The following MTO1 variants were observed in gnomAD, a reference collection of about 807,000 sequenced individuals.
MTO1 encodes the protein mitochondrial tRNA translation optimization 1.
MTO1 carries 46 observed loss-of-function variants against 71.6 expected under a neutral mutation model. The ratio of observed to expected loss-of-function variants is 0.64; its 90% confidence interval spans 0.51 to 0.82. MTO1 has a LOEUF of 0.82. MTO1 is among the 40% of genes least tolerant of loss of function. MTO1 has a pLI of 0.00. For synonymous variants in MTO1, 297 were observed against 312.1 expected, an observed-to-expected ratio of 0.95 and a Z score of 0.51; for missense variants, 773 against 867.5, an observed-to-expected ratio of 0.89 and a Z score of 1.37.
Position 73,461,811 on chromosome 6 carries a change from G to A in MTO1, c.-44G>A, listed in dbSNP as rs756129845. The A allele has an allele frequency of 3.8e-6, 6 of 1,583,908 alleles. No homozygotes were observed. In the East Asian group the frequency reaches 1.1e-4, roughly 30 times the overall value. On this transcript the variant is annotated 5_prime_UTR_variant, in exon 1 of 12. Coordinates refer to ENST00000498286, the MANE Select transcript of MTO1 (RefSeq NM_012123.4). ...TCTTGTTGCGTAAGTTTTTTTGACC[G>A]TCACTCGTGTCAGCTTCAAAGTCAG... is the stretch of plus-strand genomic sequence containing the variant.
intron 4 of MTO1, among the ~76,000 whole-genome samples, chr6:73,474,222 A>G (rs1771242869): frequency 6.6e-6 from 1 of 151,528 alleles, no homozygotes; most frequent in South Asian, 2.1e-4. Flanking sequence ...CCTCCCGAGT[A>G]TACAGGCACG....
intron 7 of MTO1, 111 bp from the exon 8 acceptor site, chr6:73,481,929 C>T: frequency 9.0e-7 from 1 of 1,108,964 alleles, no homozygotes; most frequent in Non-Finnish European, 1.4e-6. Context: ...CCCTTAGGGG[C>T]AATACTTGCT....
intron 10 of MTO1, among the ~76,000 whole-genome samples, chr6:73,494,860 A>G (rs967358350): frequency 6.7e-6 from 1 of 149,876 alleles, no homozygotes; most frequent in African/African-American, 2.5e-5. Context: ...ATTCACTGCA[A>G]CCTCGGCCTC....
chr6:73,483,628 T>A (rs1322022616), intron 9 of MTO1, among the ~76,000 whole-genome samples: 1 of 151,862 alleles, frequency 6.6e-6, no homozygotes, highest in Non-Finnish European at 1.5e-5. Flanking sequence ...TTGTTTTTAA[T>A]TTTTTTGAGA....
intron 3 of MTO1, among the ~76,000 whole-genome samples, chr6:73,472,723 C>G (rs964447988): frequency 6.6e-6 from 1 of 151,940 alleles, no homozygotes; most frequent in Admixed American, 6.6e-5. Context: ...TCTCACCACA[C>G]AAAACGTGTA....
chr6:73,463,068 G>A lies in MTO1; in HGVS notation c.217+997G>A, dbSNP rs537624415. On this transcript the variant is annotated intron_variant, in intron 1 of 11. Transcript: ENST00000498286. The stretch of plus-strand genomic sequence containing the variant: ...AGACAGAGTCTTGCACTGTCACACA[G>A]GCTCAAGTGCAGTGGCGCCATCTCG... Among the ~76,000 whole-genome samples the A allele has an allele frequency of 8.7e-5, 13 of 149,730 alleles. No homozygotes were observed. In the South Asian group the frequency reaches 2.5e-3, roughly 29 times the overall value.
At chr6:73,477,661 C>T (rs1370610041) in intron 4 of MTO1, among the ~76,000 whole-genome samples, 2 of 151,520 alleles carry the variant, frequency 1.3e-5, no homozygotes, top group African/African-American at 4.8e-5. Flanking sequence ...TGCTCACCAC[C>T]ATGGCTGGCT....
chr6:73,495,449 T>A (rs1771955564), intron 10 of MTO1, among the ~76,000 whole-genome samples: 1 of 152,084 alleles, frequency 6.6e-6, no homozygotes, highest in South Asian at 2.1e-4. Flanking sequence ...TCCAGAAAAA[T>A]TATCATTAAC....
intron 4 of MTO1, 106 bp downstream of exon 4, chr6:73,473,760 A>G (rs1414814276): frequency 4.6e-6 from 4 of 860,924 alleles, no homozygotes; most frequent in Admixed American, 3.0e-5. Context: ...ACTTTATAGC[A>G]CTATTGCTTA....
chr6:73,479,585 T>C, intron 4 of MTO1, 147 bp from the exon 5 acceptor site: 1 of 549,684 alleles, frequency 1.8e-6, no homozygotes, highest in East Asian at 3.1e-5. Context: ...TGTTTATTTT[T>C]GGCAAGAATA....
chr6:73,466,461 T>C (rs759524894), intron 2 of MTO1, 28 bp from the exon 3 acceptor site: 160 of 1,613,168 alleles, frequency 9.9e-5, no homozygotes, highest in Non-Finnish European at 1.3e-4. Context: ...TTAATTACCA[T>C]GTTTCAACTG....
At chr6:73,463,092 C>T (rs1281065696) in intron 1 of MTO1, among the ~76,000 whole-genome samples, 1 of 150,890 alleles carries the variant, frequency 6.6e-6, no homozygotes, top group Non-Finnish European at 1.5e-5. Flanking sequence ...GGCGCCATCT[C>T]GGCTCACTGC....
At chr6:73,499,743 A>G (rs1772102598) in intron 11 of MTO1, among the ~76,000 whole-genome samples, 1 of 152,198 alleles carries the variant, frequency 6.6e-6, no homozygotes. Context: ...ACAATTCTAT[A>G]ATACAAAAGG....
intron 4 of MTO1, among the ~76,000 whole-genome samples, chr6:73,474,812 A>G (rs140415748): frequency 0.015 from 2,337 of 151,288 alleles, 35 homozygotes; most frequent in Non-Finnish European, 0.023. Flanking sequence ...CTGGAGTGCA[A>G]TGGCGCAATC....
At chr6:73,463,803 C>T (rs754218589) in intron 1 of MTO1, among the ~76,000 whole-genome samples, 3 of 152,010 alleles carry the variant, frequency 2.0e-5, no homozygotes, top group East Asian at 1.9e-4. Context: ...TGCAGTGGCG[C>T]GATCTTGGCT....
At position 73,461,833 on chromosome 6, in the gene MTO1, T is replaced by C. The variant is rs928477543; in HGVS notation, c.-22T>C. ...ACCGTCACTCGTGTCAGCTTCAAAG[T>C]CAGATAGATTTTTCTCCCAGCATGT... On this transcript the variant is annotated 5_prime_UTR_variant, in exon 1 of 12. Transcript: ENST00000498286. 5.0e-6 allele frequency: 8 copies of C among 1,604,700 alleles called. No individual in the cohort carries two copies. The Admixed American group carries it at 1.2e-4, about 23-fold the overall frequency.
chr6:73,479,611 T>C, intron 4 of MTO1, 121 bp from the exon 5 acceptor site: 1 of 670,504 alleles, frequency 1.5e-6, no homozygotes, highest in East Asian at 2.8e-5. Flanking sequence ...TAAGTAATAC[T>C]AGGCATTATG....
chr6:73,465,852 C>T (rs560111073), intron 1 of MTO1, among the ~76,000 whole-genome samples: 6 of 152,060 alleles, frequency 3.9e-5, no homozygotes, highest in African/African-American at 7.2e-5. Context: ...GGCGTGGTGC[C>T]GGACACCTGT....
intron 1 of MTO1, among the ~76,000 whole-genome samples, chr6:73,465,768 C>T (rs1406198236): frequency 6.6e-6 from 1 of 152,036 alleles, no homozygotes; most frequent in Non-Finnish European, 1.5e-5. Context: ...GGGCAGATCA[C>T]CTGAGGTCAG....
Sources: gnomAD v4.1 joint callset for allele counts (sites outside exome capture counted in the v4.1 genomes callset) on GRCh38, gnomAD v4.1.1 for gene constraint, MANE v1.5 for transcripts, NCBI Gene and HGNC (gene_info 2026-07-23, HGNC 2026-07-21) for gene names.